Variants in EIF4B observed in about 807,000 individuals in gnomAD.
EIF4B encodes the protein eukaryotic translation initiation factor 4B.
Under a neutral mutation model 79.3 loss-of-function variants are expected in EIF4B, and 8 were observed. The ratio of observed to expected loss-of-function variants is 0.10; its 90% CI spans 0.06 to 0.18. The LOEUF is 0.18. EIF4B is among the 10% of genes least tolerant of loss of function. The pLI, the probability that EIF4B is intolerant of heterozygous loss-of-function variation, is 1.00. For missense variants in EIF4B, 515 were observed against 792.4 expected, an observed-to-expected ratio of 0.65 and a Z score of 4.20; for synonymous variants, 238 against 274.7, an observed-to-expected ratio of 0.87 and a Z score of 1.32.
At chr12:53,030,825 G>A (rs1178911746) in intron 8 of EIF4B, among the ~76,000 whole-genome samples, 5 of 152,052 alleles carry the variant, frequency 3.3e-5, no homozygotes, top group Admixed American at 3.3e-4. Context: ...TACAAGTATT[G>A]TTTAATTCTA....
intron 1 of EIF4B, 90 bp from the exon 2 acceptor site, chr12:53,016,383 T>C: frequency 1.3e-6 from 2 of 1,530,994 alleles, no homozygotes; most frequent in South Asian, 1.2e-5. Flanking sequence ...ATGTTATTTC[T>C]TTCTAAATAA....
At chr12:53,023,255 C>T (rs556844213) in intron 6 of EIF4B, among the ~76,000 whole-genome samples, 7 of 152,276 alleles carry the variant, frequency 4.6e-5, no homozygotes, top group Admixed American at 6.5e-5. Context: ...ATTTTTGAGA[C>T]GGAGTCTCGC....
At chr12:53,019,437 A>ATTTTTTTTTT in intron 3 of EIF4B, among the ~76,000 whole-genome samples, 1 of 51,016 alleles carries the variant, frequency 2.0e-5, no homozygotes, top group South Asian at 9.7e-4. Context: ...ATATATATAT[A>ATTTTTTTTTT]TTTTTTTTTT....
At chr12:53,022,251 C>A in intron 5 of EIF4B, 1 of 697,256 alleles carries the variant, frequency 1.4e-6, no homozygotes, top group Non-Finnish European at 2.6e-6. Flanking sequence ...GTATATGTTT[C>A]AGGGACTCCT....
At chr12:53,032,170 C>T (rs968695261) in intron 8 of EIF4B, among the ~76,000 whole-genome samples, 2 of 152,126 alleles carry the variant, frequency 1.3e-5, no homozygotes, top group Non-Finnish European at 2.9e-5. Flanking sequence ...CCTGGCTGGG[C>T]GTGGTGGCTC....
chr12:53,018,143 A>C (rs1482486201), intron 2 of EIF4B, among the ~76,000 whole-genome samples: 1 of 152,150 alleles, frequency 6.6e-6, no homozygotes, highest in African/African-American at 2.4e-5. Context: ...GGCACATGCC[A>C]CCACACCTGG....
intron 1 of EIF4B, among the ~76,000 whole-genome samples, chr12:53,008,427 T>A (rs1471266004): frequency 6.6e-6 from 1 of 152,234 alleles, no homozygotes; most frequent in Non-Finnish European, 1.5e-5. Flanking sequence ...TTGAGGAATC[T>A]GGGGTTTATC....
At chr12:53,013,687 TGAGGCAGGAGA>T (rs1173159284) in intron 1 of EIF4B, 1 of 151,842 alleles carries the variant, frequency 6.6e-6, no homozygotes, top group Non-Finnish European at 1.5e-5. Flanking sequence ...CTCAGGAGGC[TGAGGCAGGAGA>T]ATCACTTGAA....
intron 3 of EIF4B, among the ~76,000 whole-genome samples, chr12:53,019,517 AT>A (rs1247996746): frequency 1.8e-5 from 2 of 109,810 alleles, no homozygotes; most frequent in Non-Finnish European, 3.4e-5. Flanking sequence ...AGTACAGTGG[AT>A]TACATGCCCA....
chr12:53,018,084 C>G (rs544459472), intron 2 of EIF4B, among the ~76,000 whole-genome samples: 2 of 152,186 alleles, frequency 1.3e-5, no homozygotes, highest in Non-Finnish European at 2.9e-5. Context: ...TGCCGCCTCC[C>G]GGTTCAATAG....
At position 53,039,620 on chromosome 12, in the gene EIF4B, G is replaced by A. The variant is rs748851194; in HGVS notation, c.1683-10G>A. 6 of 1,613,456 alleles carry A rather than the reference G, an allele frequency of 3.7e-6. No homozygotes were observed. The highest frequency in any genetic ancestry group is 1.6e-4 in the Middle Eastern group (1 of 6,078). On this transcript the variant is annotated splice_polypyrimidine_tract_variant and intron_variant, in intron 13 of 14. Coordinates refer to ENST00000262056, the MANE Select transcript of EIF4B (RefSeq NM_001417.7). Reference sequence around the variant, plus strand: ...CCTAAAGACATGGTTTTATGCTTACGTCTCTGCAGGAAAGATGGCAAAAAG... The same window carrying A: ...CCTAAAGACATGGTTTTATGCTTACATCTCTGCAGGAAAGATGGCAAAAAG...
intron 6 of EIF4B, among the ~76,000 whole-genome samples, 158 bp downstream of exon 6, chr12:53,022,785 C>T (rs1326444359): frequency 6.6e-6 from 1 of 152,154 alleles, no homozygotes; most frequent in Non-Finnish European, 1.5e-5. Context: ...CTGATAGATG[C>T]AGGAAACGAA....
At chr12:53,031,524 C>G (rs923705393) in intron 8 of EIF4B, among the ~76,000 whole-genome samples, 2 of 152,146 alleles carry the variant, frequency 1.3e-5, no homozygotes, top group Non-Finnish European at 2.9e-5. Context: ...GATCCACTTG[C>G]CCTCGGCCTA....
intron 1 of EIF4B, among the ~76,000 whole-genome samples, chr12:53,007,818 G>C (rs939492392): frequency 5.3e-5 from 8 of 152,136 alleles, no homozygotes; most frequent in African/African-American, 1.9e-4. Context: ...TTGGTGTAAC[G>C]CTTGACAGTT....
rs117095282 is a variant in EIF4B, at chr12:53,037,749, C to T, written c.1520+127C>T. ...TTATAAGTTATGCTGGCTTTAGTCT[C>T]TTAGTGTGCTGGAACTGGCTCATAA... is the stretch of plus-strand genomic sequence containing the variant. On this transcript the variant is annotated intron_variant, in intron 11 of 14. Coordinates refer to ENST00000262056, the MANE Select transcript of EIF4B (RefSeq NM_001417.7). The T allele has an allele frequency of 1.4e-3, 1,412 of 1,043,522 alleles. 25 individuals carry two copies. The East Asian group carries it at 0.035, about 26-fold the overall frequency. The allele number at this position is 1,043,522 out of a possible 1,614,324, so 64.6% of individuals were successfully genotyped here.
intron 4 of EIF4B, among the ~76,000 whole-genome samples, chr12:53,020,422 G>A (rs1268951438): frequency 6.6e-5 from 10 of 152,158 alleles, no homozygotes; most frequent in Admixed American, 6.5e-4. Flanking sequence ...CTCATTTTCA[G>A]GGAAGTGTTG....
intron 2 of EIF4B, among the ~76,000 whole-genome samples, chr12:53,017,763 T>C (rs1943172066): frequency 6.6e-6 from 1 of 152,088 alleles, no homozygotes; most frequent in Admixed American, 6.5e-5. Context: ...CCAGCAAATT[T>C]TGTATTTTTA....
chr12:53,041,656 G>C lies in EIF4B; in HGVS notation c.*1433G>C, dbSNP rs934531200. 6.6e-6 allele frequency: 1 copy of C among 152,180 alleles called. No individual in the cohort carries two copies. Among genetic ancestry groups the C allele is most frequent in the Non-Finnish European group, 1.5e-5 (1 of 68,052 alleles). 9.4% of individuals were successfully genotyped at this position (152,180 alleles called of 1,614,324 possible). ...CAGCTTGGTAGACAGTATTAGCGGAGAAACACCTTGATCTTGGTTTGCAAG... is the reference window on the plus strand; with the variant it reads ...CAGCTTGGTAGACAGTATTAGCGGACAAACACCTTGATCTTGGTTTGCAAG... On this transcript the variant is annotated 3_prime_UTR_variant, in exon 15 of 15. Coordinates refer to ENST00000262056, the MANE Select transcript of EIF4B (RefSeq NM_001417.7).
intron 5 of EIF4B, chr12:53,022,290 C>T (rs1257600237): frequency 2.7e-6 from 2 of 753,580 alleles, no homozygotes; most frequent in South Asian, 1.5e-5. Context: ...GATAGCTAAG[C>T]ATTAAACCAA....
Sources: gnomAD v4.1 joint callset for allele counts (sites outside exome capture counted in the v4.1 genomes callset) on GRCh38, gnomAD v4.1.1 for gene constraint, MANE v1.5 for transcripts, NCBI Gene and HGNC (gene_info 2026-07-23, HGNC 2026-07-21) for gene names.